IBSP: variants seen among roughly 807,000 people sequenced by gnomAD.
The protein encoded by IBSP is integrin-binding sialoprotein.
A neutral mutation model predicts 25.5 loss-of-function variants in IBSP; 19 were observed. The observed-to-expected ratio is 0.74, with a 90% CI of 0.52 to 1.09. The LOEUF is 1.09. IBSP is among the 50% of genes least tolerant of loss of function. The pLI is 0.00. For synonymous variants in IBSP, 144 were observed against 137.6 expected, an observed-to-expected ratio of 1.05 and a Z score of -0.33; for missense variants, 360 against 382.3, an observed-to-expected ratio of 0.94 and a Z score of 0.49.
rs758969949 is a variant in IBSP at position 87,802,737 on chromosome 4, T to C, written c.183+6T>C. 4.9e-5 allele frequency: 73 copies of C among 1,497,602 alleles called. 1 individual carries two copies. The Middle Eastern group carries it at 7.4e-4, about 15-fold the overall frequency. 92.8% of individuals were successfully genotyped at this position (1,497,602 alleles called of 1,614,324 possible). A position where few individuals can be genotyped will look rare whatever the true frequency, so the allele number is the denominator to read the frequency against. On this transcript the variant is annotated splice_donor_region_variant and intron_variant, in intron 4 of 6. Coordinates refer to ENST00000226284, the MANE Select transcript of IBSP (RefSeq NM_004967.4). Reference sequence around the variant, plus strand: ...TAAAACGATTTCCAGTTCAGGTAAATATAGAAATTCATTTTTCTTCAGTTT... The same window carrying C: ...TAAAACGATTTCCAGTTCAGGTAAACATAGAAATTCATTTTTCTTCAGTTT...
intron 4 of IBSP, 45 bp downstream of exon 4, chr4:87,802,776 A>G (rs776790539): frequency 3.1e-6 from 4 of 1,274,840 alleles, no homozygotes; most frequent in South Asian, 3.4e-5. Flanking sequence ...TTCTATTATA[A>G]TTTAAAGGAG....
At chr4:87,802,607 T>C (rs1313299582) in intron 3 of IBSP, 47 bp from the exon 4 acceptor site, 1 of 1,569,994 alleles carries the variant, frequency 6.4e-7, no homozygotes, top group African/African-American at 1.4e-5. Context: ...TTGCTGTATA[T>C]TTATTGCATA....
Position 87,811,606 on chromosome 4 carries a change from C to T in IBSP, c.650C>T (p.Thr217Ile), listed in dbSNP as rs1722173393. 4.3e-6 allele frequency: 7 copies of T among 1,613,812 alleles called. No individual in the cohort carries two copies. Among genetic ancestry groups the T allele is most frequent in the Non-Finnish European group, 5.9e-6 (7 of 1,179,928 alleles). The part of the protein sequence containing the change: ...TGANAEDTTE[T>I]GRQGKGTSKT... ...GCCAATGCAGAAGACACCACAGAGA[C>T]CGGAAGGCAGGGCAAGGGCACCTCG... Residue 217 changes from threonine (T) to isoleucine (I), a missense_variant, in exon 7 of 7, where the codon ACC becomes ATC. By Grantham distance (89) the Thr-to-Ile change is moderately conservative. Transcript: ENST00000226284.
At chr4:87,807,017 C>A (rs1249948579) in intron 5 of IBSP, among the ~76,000 whole-genome samples, 2 of 151,312 alleles carry the variant, frequency 1.3e-5, no homozygotes, top group Admixed American at 6.6e-5. Context: ...AAAAAAAAAA[C>A]AAAAACAACA....
intron 5 of IBSP, among the ~76,000 whole-genome samples, chr4:87,807,337 C>G (rs775484259): frequency 1.6e-4 from 25 of 152,064 alleles, no homozygotes; most frequent in Non-Finnish European, 3.5e-4. Flanking sequence ...GTCTTGAAAA[C>G]AAAATGGTGT....
Position 87,811,456 on chromosome 4 carries a change from C to A in IBSP, c.500C>A (p.Ala167Glu), listed in dbSNP as rs761081304. ...EEGNENEESE[A>E]EVDENEQGIN... The stretch of plus-strand genomic sequence containing the variant: ...GGAAATGAAAACGAAGAAAGCGAAG[C>A]AGAAGTGGATGAAAACGAACAAGGC... The change falls in exon 7 of 7, where the codon GCA (alanine) becomes GAA (glutamate). Residue 167 changes from alanine (A) to glutamate (E), a missense_variant. Physicochemically the swap from Ala to Glu is moderately radical, Grantham distance 107. Coordinates refer to ENST00000226284, the MANE Select transcript of IBSP (RefSeq NM_004967.4). 2 of 1,613,588 alleles carry A rather than the reference C, an allele frequency of 1.2e-6. No individual in the cohort carries two copies. The highest frequency in any genetic ancestry group is 2.2e-5 in the South Asian group (2 of 91,032).
rs1304446411 is a variant in IBSP, at chr4:87,802,408, C to T, written c.47C>T (p.Ala16Val). The change falls in exon 2 of 7, where the codon GCT becomes GTT. Residue 16 changes from alanine (A) to valine (V), a missense_variant. By Grantham distance (64) the Ala-to-Val change is moderately conservative (BLOSUM62 0). Transcript: ENST00000226284. ...CTCAGCATTTTGGGAATGGCCTGTG[C>T]TTTCTCAGTAAGTTCTTTATCAAAA... ...ILLSILGMAC[A>V]FSMKNLHRRV... 6.2e-7 allele frequency: 1 copy of T among 1,609,266 alleles called. No individual in the cohort carries two copies. Among genetic ancestry groups the T allele is most frequent in the African/African-American group, 1.3e-5 (1 of 74,712 alleles).
intron 5 of IBSP, among the ~76,000 whole-genome samples, chr4:87,807,543 T>TAAGGTTATCCATTTAGTTATAGCTA (rs1722105059): frequency 1.3e-5 from 2 of 152,186 alleles, no homozygotes; most frequent in Non-Finnish European, 2.9e-5. Context: ...ACACAAGAAC[T>TAAGGTTATCCATTTAGTTATAGCTA]AGGCTAAGGT....
In IBSP at chr4:87,802,523, C is replaced by T. The variant is rs763570036; in HGVS notation, c.70C>T (p.Arg24Ter). The stretch of plus-strand genomic sequence containing the variant: ...TTTAAAACAGATGAAAAATTTGCAT[C>T]GAAGAGTCAAAATAGAGGATTCTGA... ...ACAFSMKNLH[R>*]RVKIEDSEEN... is the part of the protein sequence containing the mutation. The change falls in exon 3 of 7, where the codon CGA (arginine) becomes TGA (stop). Residue 24 changes from arginine (R) to a stop codon, truncating the protein, a stop_gained. Transcript: ENST00000226284. LOFTEE classifies it high-confidence loss of function. The T allele has an allele frequency of 6.9e-6, 11 of 1,605,388 alleles. No homozygotes were observed. The highest frequency in any genetic ancestry group is 4.5e-5 in the East Asian group (2 of 44,682).
At chr4:87,806,609 A>G (rs971867815) in intron 5 of IBSP, among the ~76,000 whole-genome samples, 1 of 152,192 alleles carries the variant, frequency 6.6e-6, no homozygotes, top group Non-Finnish European at 1.5e-5. Flanking sequence ...TTTACAATTT[A>G]ATTTACCAAG....
At chr4:87,806,879 C>G (rs1722096281) in intron 5 of IBSP, among the ~76,000 whole-genome samples, 1 of 152,030 alleles carries the variant, frequency 6.6e-6, no homozygotes, top group African/African-American at 2.4e-5. Context: ...GTGGCATACA[C>G]CTGTAATTCC....
In IBSP at chr4:87,810,725, A is replaced by T. The variant is rs1225199281; in HGVS notation, c.366A>T (p.Thr122=). 5.2e-5 allele frequency: 84 copies of T among 1,613,622 alleles called. No homozygotes were observed. Among genetic ancestry groups the T allele is most frequent in the Non-Finnish European group, 7.0e-5 (82 of 1,179,848 alleles). The part of the protein sequence containing the change: ...LGYGEDATPG[T]GYTGLAAIQL... ...ATGGAGAGGACGCCACGCCTGGCAC[A>T]GGGTATACAGGGTTAGCTGCAATCC... The change falls in exon 6 of 7, where the codon ACA becomes ACT. Residue 122 remains threonine, a synonymous_variant. Coordinates refer to ENST00000226284, the MANE Select transcript of IBSP (RefSeq NM_004967.4).
intron 1 of IBSP, among the ~76,000 whole-genome samples, chr4:87,802,023 G>C (rs530963733): frequency 1.3e-5 from 2 of 152,268 alleles, no homozygotes; most frequent in African/African-American, 4.8e-5. Context: ...TCAATATTAA[G>C]AGGGCCATTA....
intron 4 of IBSP, among the ~76,000 whole-genome samples, chr4:87,803,361 A>G: frequency 6.6e-6 from 1 of 152,184 alleles, no homozygotes; most frequent in East Asian, 1.9e-4. Context: ...AGAAAAACAA[A>G]CCATCCCTTA....
At chr4:87,807,254 T>C (rs1296749834) in intron 5 of IBSP, among the ~76,000 whole-genome samples, 1 of 152,188 alleles carries the variant, frequency 6.6e-6, no homozygotes. Flanking sequence ...AGGAACCTTT[T>C]AAATTCAGCT....
At chr4:87,801,615 T>C (rs765759407) in intron 1 of IBSP, among the ~76,000 whole-genome samples, 3 of 152,052 alleles carry the variant, frequency 2.0e-5, no homozygotes, top group East Asian at 1.9e-4. Context: ...AAAACCTATA[T>C]AGAAGCTGGA....
chr4:87,804,411 G>A (rs1342557381), intron 4 of IBSP, among the ~76,000 whole-genome samples: 1 of 152,178 alleles, frequency 6.6e-6, no homozygotes, highest in African/African-American at 2.4e-5. Flanking sequence ...AAAGTGATCA[G>A]CAAGCTATCT....
chr4:87,809,302 A>C (rs1356120637), intron 5 of IBSP, among the ~76,000 whole-genome samples: 1 of 152,220 alleles, frequency 6.6e-6, no homozygotes, highest in Non-Finnish European at 1.5e-5. Flanking sequence ...GTGTAAGAGA[A>C]AATATAAAAG....
intron 3 of IBSP, 24 bp from the exon 4 acceptor site, chr4:87,802,630 A>G: frequency 6.4e-7 from 1 of 1,566,528 alleles, no homozygotes; most frequent in Non-Finnish European, 8.6e-7. Flanking sequence ...AAACATGAAT[A>G]TATCATTTAT....
Sources: allele counts gnomAD v4.1 joint callset (sites outside exome capture counted in the v4.1 genomes callset), GRCh38; gene constraint gnomAD v4.1.1; transcripts MANE v1.5; gene names NCBI Gene and HGNC (gene_info 2026-07-23, HGNC 2026-07-21).